The following DCAF1 variants were observed in gnomAD, a reference collection of about 807,000 sequenced individuals.
DCAF1 encodes the protein DDB1 and CUL4 associated factor 1.
Under a neutral mutation model 128.0 loss-of-function variants are expected in DCAF1, and 15 were observed. The ratio of observed to expected loss-of-function variants is 0.12; its 90% CI spans 0.08 to 0.18. The LOEUF is 0.18. Among genes scored for constraint, DCAF1 ranks in the 10% least tolerant of loss-of-function variants. The pLI, the probability that DCAF1 is intolerant of heterozygous loss-of-function variation, is 1.00. For missense variants in DCAF1, 988 were observed against 1,649.5 expected (o/e 0.60, Z 6.95); for synonymous variants, 610 against 603.0 (o/e 1.01, Z -0.17).
intron 18 of DCAF1, among the ~76,000 whole-genome samples, chr3:51,415,102 C>A (rs1162459168): frequency 6.6e-6 from 1 of 152,110 alleles, no homozygotes; most frequent in Non-Finnish European, 1.5e-5. Flanking sequence ...GATTTCCTTC[C>A]CAAGTTCCTC....
downstream of DCAF1, chr3:51,396,244 A>AAGAC (rs2089194752): frequency 1.1e-5 from 3 of 263,370 alleles, 1 homozygote; most frequent in South Asian, 5.2e-4. Context: ...GTGCCTAGAG[A>AAGAC]AGACACTTCA....
intron 23 of DCAF1, among the ~76,000 whole-genome samples, chr3:51,411,097 G>A (rs1698368126): frequency 6.6e-6 from 1 of 151,248 alleles, no homozygotes; most frequent in Non-Finnish European, 1.5e-5. Context: ...AGAGGTGGAG[G>A]TTGCAGTGAG....
intron 6 of DCAF1, among the ~76,000 whole-genome samples, chr3:51,446,437 G>C (rs1399665215): frequency 6.6e-6 from 1 of 152,036 alleles, no homozygotes; most frequent in Non-Finnish European, 1.5e-5. Context: ...AACCAGCCTA[G>C]GCAACGTAGC....
At chr3:51,505,556 C>T in the DCAF1 span, among the ~76,000 whole-genome samples, 1 of 152,160 alleles carries the variant, frequency 6.6e-6, no homozygotes, top group Non-Finnish European at 1.5e-5. Context: ...TTAGAGGTGG[C>T]GATGTCTCTG....
Position 51,418,940 on chromosome 3 carries a change from C to G in DCAF1, c.3237-64G>C, listed in dbSNP as rs367898914. ...GCAGGGACTCAGAAAAAGCAAACTG[C>G]TAGGATAGAAGAAAAAGCACAGAAC... On this transcript the variant is annotated intron_variant, in intron 15 of 24. Coordinates refer to ENST00000684031, the MANE Select transcript of DCAF1 (RefSeq NM_001387579.1). 12 of 1,489,614 alleles carry G rather than the reference C, an allele frequency of 8.1e-6. No homozygotes were observed. The East Asian group carries it at 1.0e-4, about 12-fold the overall frequency. The allele number at this position is 1,489,614 out of a possible 1,614,324, so 92.3% of individuals were successfully genotyped here. A position where few individuals can be genotyped will look rare whatever the true frequency, so the allele number is the denominator to read the frequency against.
Position 51,414,667 on chromosome 3 carries a change from A to G in DCAF1, c.3794T>C (p.Val1265Ala). ...CACCTCCAGTCCATTTGGATGGAAA[A>G]CACCACTGATGTTCATATTGAACTT... Reference protein sequence around the residue: ...FDKFNMNISGVFHPNGLEVII... With the variant: ...FDKFNMNISGAFHPNGLEVII... The change falls in exon 19 of 25, where the codon GTT becomes GCT. Residue 1265 changes from valine to alanine, a missense_variant. Transcript: ENST00000684031. 1.9e-6 allele frequency: 3 copies of G among 1,614,034 alleles called. No individual in the cohort carries two copies. Among genetic ancestry groups the G allele is most frequent in the Non-Finnish European group, 2.5e-6 (3 of 1,179,892 alleles).
intron 6 of DCAF1, among the ~76,000 whole-genome samples, chr3:51,448,715 T>C (rs1432809283): frequency 6.6e-6 from 1 of 152,200 alleles, no homozygotes; most frequent in Non-Finnish European, 1.5e-5. Context: ...CAGAACTTCT[T>C]CATTATGCAA....
rs1192974800 is a variant in DCAF1 at position 51,493,238 on chromosome 3, G to A, written c.-9+3496C>T. ...AGGCGGGCAGATCTCCTGAGGTCGG[G>A]AGTTTAAGACCAGCCTGACCAACAT... On this transcript the variant is annotated intron_variant, in intron 2 of 24. Coordinates refer to ENST00000684031, the MANE Select transcript of DCAF1 (RefSeq NM_001387579.1). Among the ~76,000 whole-genome samples the A allele has an allele frequency of 2.0e-5, 3 of 151,852 alleles. No homozygotes were observed. The East Asian group carries it at 5.8e-4, about 29-fold the overall frequency.
At chr3:51,503,665 T>A (rs1285483193), upstream of DCAF1, among the ~76,000 whole-genome samples, 1 of 152,154 alleles carries the variant, frequency 6.6e-6, no homozygotes, top group African/African-American at 2.4e-5. Flanking sequence ...AACACCAGCC[T>A]GGACAAAGAG....
intron 6 of DCAF1, among the ~76,000 whole-genome samples, chr3:51,455,627 G>A (rs186420820): frequency 7.4e-4 from 112 of 151,898 alleles, no homozygotes; most frequent in Non-Finnish European, 1.4e-3. Context: ...GGCTGGGCGC[G>A]GTGGCTCACA....
chr3:51,451,114 G>A (rs1489525678), intron 6 of DCAF1, among the ~76,000 whole-genome samples: 1 of 74,916 alleles, frequency 1.3e-5, no homozygotes, highest in Non-Finnish European at 2.3e-5. Flanking sequence ...TTAGTGACAA[G>A]GTCTCACTCT....
chr3:51,468,915 A>G (rs1354356610), intron 4 of DCAF1, among the ~76,000 whole-genome samples: 1 of 152,154 alleles, frequency 6.6e-6, no homozygotes, highest in African/African-American at 2.4e-5. Flanking sequence ...AATGCTTTTC[A>G]TAATCCTATG....
At chr3:51,416,986 C>T in intron 17 of DCAF1, 115 bp from the exon 18 acceptor site, 1 of 1,473,272 alleles carries the variant, frequency 6.8e-7, no homozygotes, top group Non-Finnish European at 9.1e-7. Flanking sequence ...CCTAAAGATC[C>T]TGGACTCCCA....
At chr3:51,451,438 G>C (rs1379560482) in intron 6 of DCAF1, among the ~76,000 whole-genome samples, 13 of 151,334 alleles carry the variant, frequency 8.6e-5, no homozygotes, top group Non-Finnish European at 1.2e-4. Context: ...GCAACATAAT[G>C]AGACTCTGTG....
chr3:51,447,001 A>AT (rs1553640365), intron 6 of DCAF1, among the ~76,000 whole-genome samples: 11 of 148,496 alleles, frequency 7.4e-5, no homozygotes, highest in South Asian at 2.1e-4. Context: ...AATAATAATA[A>AT]AATGTTTTAA....
chr3:51,428,123 C>G (rs939338562), intron 12 of DCAF1, among the ~76,000 whole-genome samples: 1 of 152,120 alleles, frequency 6.6e-6, no homozygotes, highest in Non-Finnish European at 1.5e-5. Flanking sequence ...CAAAAGTTTC[C>G]TTTGTGCATA....
Position 51,470,951 on chromosome 3 carries a change from G to A in DCAF1, c.165C>T (p.Asp55=). The change falls in exon 4 of 25, where the codon GAC becomes GAT. Residue 55 remains aspartate (D), a synonymous_variant. Transcript: ENST00000684031. ...TACCAGGATGTCGATCATCAAATGG[G>A]TCTGGATCCCCTTTACGATACTCTT... is the stretch of plus-strand genomic sequence containing the variant. The part of the protein sequence containing the change: ...ETEEYRKGDP[D]PFDDRHPGRA... The A allele has an allele frequency of 1.9e-6, 3 of 1,605,826 alleles. No individual in the cohort carries two copies. The highest frequency in any genetic ancestry group is 2.6e-6 in the Non-Finnish European group (3 of 1,174,872).
In DCAF1 at chr3:51,429,295, C is replaced by T; in HGVS notation, c.1643G>A (p.Gly548Asp). Residue 548 changes from glycine (G) to aspartate (D), a missense_variant, in exon 12 of 25, where the codon GGT becomes GAT. Physicochemically the swap from Gly to Asp is moderately conservative, Grantham distance 94. This residue lies in a region of DCAF1 where 185 missense variants were observed against 248.1 expected (regional missense o/e 0.75). Coordinates refer to ENST00000684031, the MANE Select transcript of DCAF1 (RefSeq NM_001387579.1). ...QVKQSLQRTE[G>D]GILVHPQPPY... ...GGGTTGTGGGTGGACAAGAATGCCA[C>T]CCTCAGTCCTCTGAAGTGACTGCTT... 2 of 780,226 alleles carry T rather than the reference C, an allele frequency of 2.6e-6. No homozygotes were observed. The highest frequency in any genetic ancestry group is 4.8e-6 in the Non-Finnish European group (2 of 417,714). The allele number at this position is 780,226 out of a possible 1,614,324, so 48.3% of individuals were successfully genotyped here. A position where few individuals can be genotyped will look rare whatever the true frequency, so the allele number is the denominator to read the frequency against.
intron 24 of DCAF1, 41 bp from the exon 25 acceptor site, chr3:51,398,868 G>T: frequency 6.4e-7 from 1 of 1,560,052 alleles, no homozygotes. Context: ...TACACACTAG[G>T]CTTATAGGAA....
Sources: allele counts gnomAD v4.1 joint callset (sites outside exome capture counted in the v4.1 genomes callset), GRCh38; gene constraint gnomAD v4.1.1; regional missense constraint gnomAD v4.1.1; transcripts MANE v1.5; gene names NCBI Gene and HGNC (gene_info 2026-07-23, HGNC 2026-07-21).